PLCB1: variants seen among roughly 807,000 people sequenced by gnomAD.
The protein encoded by PLCB1 is phospholipase C beta 1.
PLCB1 carries 46 observed loss-of-function variants against 161.8 expected under a neutral mutation model. The ratio of observed to expected loss-of-function variants is 0.28; its 90% CI spans 0.22 to 0.36. PLCB1 has a LOEUF of 0.36. Among genes scored for constraint, PLCB1 ranks in the 10% least tolerant of loss-of-function variants. The pLI, the probability that PLCB1 is intolerant of heterozygous loss-of-function variation, is 1.00. For synonymous variants in PLCB1, 517 were observed against 503.7 expected (o/e 1.03, Z -0.35); for missense variants, 1,016 against 1,472.5 (o/e 0.69, Z 5.07).
intron 3 of PLCB1, among the ~76,000 whole-genome samples, chr20:8,534,480 T>G (rs1301323751): frequency 6.6e-6 from 1 of 151,538 alleles, no homozygotes; most frequent in Non-Finnish European, 1.5e-5. Flanking sequence ...TGGAGTGGAG[T>G]GAGGAAGGCA....
chr20:8,737,200 A>G lies in PLCB1; in HGVS notation c.2208+8A>G. On this transcript the variant is annotated splice_region_variant and intron_variant, in intron 20 of 31. Transcript: ENST00000338037. The stretch of plus-strand genomic sequence containing the variant: ...CCTATTGTGTTCAAAAAGGTTGGTC[A>G]CATGTTCTTGATATGAGTTATAACT... 3 of 1,611,152 alleles carry G rather than the reference A, an allele frequency of 1.9e-6. No homozygotes were observed. The highest frequency in any genetic ancestry group is 2.5e-6 in the Non-Finnish European group (3 of 1,177,704).
chr20:8,397,440 T>C (rs766699782), intron 3 of PLCB1, among the ~76,000 whole-genome samples: 2 of 152,134 alleles, frequency 1.3e-5, no homozygotes, highest in Non-Finnish European at 2.9e-5. Context: ...GTATAAAATA[T>C]TCCTTTGCCT....
rs1054020102 is a variant in PLCB1 at position 8,883,102 on chromosome 20, G to T, written c.*1253G>T. On this transcript the variant is annotated 3_prime_UTR_variant, in exon 32 of 32. Transcript: ENST00000338037. ...ACCGAAGTAGATTTAGAACTTATAT[G>T]AATTTGATTTATATTTTGCAAGATC... 2 of 152,306 alleles carry T rather than the reference G, an allele frequency of 1.3e-5. No individual in the cohort carries two copies. Among genetic ancestry groups the T allele is most frequent in the Middle Eastern group, 3.2e-3 (1 of 316 alleles). The allele number at this position is 152,306 out of a possible 1,614,324, so 9.4% of individuals were successfully genotyped here. A position where few individuals can be genotyped will look rare whatever the true frequency, so the allele number is the denominator to read the frequency against.
intron 2 of PLCB1, among the ~76,000 whole-genome samples, chr20:8,321,639 TATC>T (rs1984924196): frequency 6.6e-6 from 1 of 152,092 alleles, no homozygotes; most frequent in Non-Finnish European, 1.5e-5. Context: ...ATACACAAAA[TATC>T]ATGGGTACAG....
intron 24 of PLCB1, among the ~76,000 whole-genome samples, chr20:8,759,283 C>G (rs926764971): frequency 3.9e-4 from 59 of 152,276 alleles, no homozygotes; most frequent in Admixed American, 2.8e-3. Context: ...GTTGCTGGGT[C>G]TCATCACTGA....
chr20:8,535,202 CAAAAAAAAAAAAAAA>C (rs11323420), intron 3 of PLCB1, among the ~76,000 whole-genome samples: 22 of 52,800 alleles, frequency 4.2e-4, no homozygotes, highest in Non-Finnish European at 1.1e-4. Context: ...AGTTTATGGG[CAAAAAAAAAAAAAAA>C]AAAAAAAAAG....
chr20:8,281,088 C>A (rs887897007), intron 2 of PLCB1, among the ~76,000 whole-genome samples: 2 of 152,060 alleles, frequency 1.3e-5, no homozygotes, highest in African/African-American at 4.8e-5. Flanking sequence ...AAGTAAAAAT[C>A]CTATTTGGAG....
intron 2 of PLCB1, among the ~76,000 whole-genome samples, chr20:8,151,164 A>T (rs2051504188): frequency 6.6e-6 from 1 of 152,174 alleles, no homozygotes; most frequent in Non-Finnish European, 1.5e-5. Flanking sequence ...ATATGGAGAA[A>T]TGGGATAGGG....
In PLCB1 at chr20:8,190,143, A is replaced by C. The variant is rs145670804; in HGVS notation, c.177+39772A>C. 3.0e-3 allele frequency among the ~76,000 whole-genome samples: 455 copies of C among 152,206 alleles called. 3 individuals carry two copies. The highest frequency in any genetic ancestry group is 1.9e-3 in the Non-Finnish European group (131 of 67,966). On this transcript the variant is annotated intron_variant, in intron 2 of 31. Coordinates refer to ENST00000338037, the MANE Select transcript of PLCB1 (RefSeq NM_015192.4). The stretch of plus-strand genomic sequence containing the variant: ...TTATTCAATTTCTTTGAGAAACTAA[A>C]TTCAATGGCAGATGACAGCAATACC...
intron 2 of PLCB1, among the ~76,000 whole-genome samples, chr20:8,175,522 A>G (rs1177157277): frequency 6.6e-6 from 1 of 152,186 alleles, no homozygotes; most frequent in Non-Finnish European, 1.5e-5. Flanking sequence ...ATAAAAATGA[A>G]TTCAAATAGA....
intron 3 of PLCB1, among the ~76,000 whole-genome samples, chr20:8,397,653 G>A (rs1987806653): frequency 6.6e-6 from 1 of 152,094 alleles, no homozygotes; most frequent in Non-Finnish European, 1.5e-5. Context: ...AGTGAATTGA[G>A]ACACCAGTTT....
intron 31 of PLCB1, among the ~76,000 whole-genome samples, chr20:8,804,294 C>T (rs541561729): frequency 1.3e-5 from 2 of 152,304 alleles, no homozygotes; most frequent in Admixed American, 6.5e-5. Context: ...AGCGTGTTCA[C>T]AACTTGTATT....
At chr20:8,507,554 G>T (rs1364562579) in intron 3 of PLCB1, among the ~76,000 whole-genome samples, 1 of 152,136 alleles carries the variant, frequency 6.6e-6, no homozygotes, top group African/African-American at 2.4e-5. Flanking sequence ...TTTTCTCCAT[G>T]TGTCACAACC....
At chr20:8,815,630 A>G (rs182846574) in intron 31 of PLCB1, among the ~76,000 whole-genome samples, 11 of 152,216 alleles carry the variant, frequency 7.2e-5, no homozygotes, top group Admixed American at 7.2e-4. Flanking sequence ...CAGAAGTCTA[A>G]TCTTCAGCCT....
chr20:8,457,700 C>T (rs1981378283), intron 3 of PLCB1, among the ~76,000 whole-genome samples: 1 of 142,260 alleles, frequency 7.0e-6, no homozygotes, highest in Admixed American at 7.2e-5. Context: ...TACTTATACC[C>T]CTAATGTGTG....
chr20:8,560,995 G>A (rs1476304806), intron 3 of PLCB1, among the ~76,000 whole-genome samples: 2 of 151,942 alleles, frequency 1.3e-5, no homozygotes, highest in African/African-American at 2.4e-5. Context: ...TTCCTAGTCA[G>A]CAGAATTAAA....
chr20:8,537,799 T>G (rs947627220), intron 3 of PLCB1, among the ~76,000 whole-genome samples: 1 of 152,096 alleles, frequency 6.6e-6, no homozygotes, highest in African/African-American at 2.4e-5. Context: ...CAGAGGAAAT[T>G]TGGAAATGTT....
At chr20:8,808,350 T>C (rs936864855) in intron 31 of PLCB1, among the ~76,000 whole-genome samples, 1 of 152,164 alleles carries the variant, frequency 6.6e-6, no homozygotes, top group East Asian at 1.9e-4. Context: ...TCTATGCACA[T>C]GCACAGAGAG....
chr20:8,856,124 G>A (rs6056209), intron 31 of PLCB1, among the ~76,000 whole-genome samples: 73,186 of 151,724 alleles, frequency 0.48, 18,050 homozygotes, highest in Middle Eastern at 0.56. Context: ...AATCTGAAAC[G>A]TGTGCATGTA....
Sources: gnomAD v4.1 joint callset for allele counts (sites outside exome capture counted in the v4.1 genomes callset) on GRCh38, gnomAD v4.1.1 for gene constraint, MANE v1.5 for transcripts, NCBI Gene and HGNC (gene_info 2026-07-23, HGNC 2026-07-21) for gene names.